SAMD5: variants seen among roughly 807,000 people sequenced by gnomAD.
The protein encoded by SAMD5 is sterile alpha motif domain containing 5, also known as sterile alpha motif domain-containing protein 5.
A neutral mutation model predicts 11.3 loss-of-function variants in SAMD5; 13 were observed. The ratio of observed to expected loss-of-function variants is 1.15; its 90% CI spans 0.75 to 1.83. SAMD5 has a LOEUF of 1.83. Among genes scored for constraint, SAMD5 ranks in the 40% most tolerant of loss-of-function variants. The probability of loss-of-function intolerance (pLI) is 0.00; values close to 1 mark genes in which losing one functional copy is unlikely to be tolerated. For synonymous variants in SAMD5, 129 were observed against 111.3 expected, an observed-to-expected ratio of 1.16 and a Z score of -1.00; for missense variants, 255 against 239.1, an observed-to-expected ratio of 1.07 and a Z score of -0.44.
chr6:147,918,930 C>T, the SAMD5 span, among the ~76,000 whole-genome samples: 1 of 152,202 alleles, frequency 6.6e-6, no homozygotes, highest in Non-Finnish European at 1.5e-5. Context: ...TGGTCTCAAT[C>T]TCCTGACCTC....
At chr6:147,549,790 T>A (rs1278810900) in intron 1 of SAMD5, among the ~76,000 whole-genome samples, 1 of 152,038 alleles carries the variant, frequency 6.6e-6, no homozygotes, top group East Asian at 1.9e-4. Flanking sequence ...CCGGAGCAAA[T>A]TATGTACTTC....
At chr6:147,819,820 G>A in the SAMD5 span, among the ~76,000 whole-genome samples, 2 of 152,214 alleles carry the variant, frequency 1.3e-5, no homozygotes, top group Non-Finnish European at 2.9e-5. Flanking sequence ...GAGTTAAGAA[G>A]AATGTGGGAA....
intron 1 of SAMD5, among the ~76,000 whole-genome samples, chr6:147,678,141 T>G (rs1790891289): frequency 6.6e-6 from 1 of 152,228 alleles, no homozygotes. Context: ...CTTAAACTTC[T>G]GAAAGAAGGC....
chr6:147,726,394 T>A (rs948590001), intron 1 of SAMD5, among the ~76,000 whole-genome samples: 3 of 152,242 alleles, frequency 2.0e-5, no homozygotes, highest in African/African-American at 7.2e-5. Context: ...ATGATAATCC[T>A]GCAAAAAAGC....
chr6:147,951,283 G>A, the SAMD5 span, among the ~76,000 whole-genome samples: 6,380 of 151,480 alleles, frequency 0.042, 164 homozygotes, highest in African/African-American at 0.054. Flanking sequence ...CCGGGTTCAC[G>A]CCATTCTCCT....
chr6:147,777,750 G>A, the SAMD5 span, among the ~76,000 whole-genome samples: 2 of 151,852 alleles, frequency 1.3e-5, no homozygotes, highest in Non-Finnish European at 2.9e-5. Context: ...CCTCATATAC[G>A]TGGAATCATA....
intron 1 of SAMD5, among the ~76,000 whole-genome samples, chr6:147,625,725 C>A (rs991872094): frequency 2.6e-5 from 4 of 152,152 alleles, no homozygotes; most frequent in South Asian, 2.1e-4. Context: ...ACATACACCA[C>A]AAAAGCAAAG....
At chr6:147,741,961 G>A (rs768598891), downstream of SAMD5, 5 of 152,052 alleles carry the variant, frequency 3.3e-5, no homozygotes, top group Non-Finnish European at 7.4e-5. Context: ...TCCCCTCTGC[G>A]TGTTTATATA....
intron 1 of SAMD5, among the ~76,000 whole-genome samples, chr6:147,659,944 C>G (rs2128454297): frequency 6.6e-6 from 1 of 152,162 alleles, no homozygotes; most frequent in Non-Finnish European, 1.5e-5. Context: ...GCCAGGACGT[C>G]CTAATAGGCC....
chr6:147,819,426 C>T, the SAMD5 span, among the ~76,000 whole-genome samples: 1 of 152,138 alleles, frequency 6.6e-6, no homozygotes, highest in African/African-American at 2.4e-5. Flanking sequence ...GCTGCACATA[C>T]ACCCGTGAAC....
chr6:147,745,943 T>C, the SAMD5 span, among the ~76,000 whole-genome samples: 1 of 152,154 alleles, frequency 6.6e-6, no homozygotes, highest in African/African-American at 2.4e-5. Context: ...GGTTTCACTA[T>C]CTTGGCCAGG....
At chr6:147,873,585 T>C in the SAMD5 span, among the ~76,000 whole-genome samples, 1 of 152,088 alleles carries the variant, frequency 6.6e-6, no homozygotes, top group East Asian at 1.9e-4. Flanking sequence ...TAGGAAGGTT[T>C]TCTGTGTATA....
chr6:147,525,896 T>C (rs1788330378), intron 1 of SAMD5, among the ~76,000 whole-genome samples: 1 of 152,100 alleles, frequency 6.6e-6, no homozygotes, highest in Non-Finnish European at 1.5e-5. Flanking sequence ...GCTAGATGGT[T>C]TCATGGTGGT....
At chr6:147,636,935 C>A (rs78245182) in intron 1 of SAMD5, among the ~76,000 whole-genome samples, 3,782 of 151,580 alleles carry the variant, frequency 0.025, 79 homozygotes, top group Non-Finnish European at 0.041. Context: ...TTAAAGACAT[C>A]GTATTGGGTG....
the SAMD5 span, among the ~76,000 whole-genome samples, chr6:147,752,480 G>A: frequency 2.0e-5 from 3 of 152,146 alleles, no homozygotes; most frequent in East Asian, 1.9e-4. Flanking sequence ...TTATTCCATC[G>A]TCATTTGCAG....
In SAMD5 at chr6:147,526,024, A is replaced by C. The variant is rs138334942; in HGVS notation, c.459+16637A>C. 3.1e-3 allele frequency among the ~76,000 whole-genome samples: 465 copies of C among 152,262 alleles called. 2 individuals are homozygous for C. The highest frequency in any genetic ancestry group is 5.4e-3 in the Admixed American group (82 of 15,290). ...ACACCTGGCTGCCTTTTGACACTTC[A>C]TCAGTGTCACCTACAACCACACTCT... On this transcript the variant is annotated intron_variant, in intron 1 of 1. Transcript: ENST00000367474.
chr6:147,919,699 T>C, the SAMD5 span, among the ~76,000 whole-genome samples: 3 of 152,230 alleles, frequency 2.0e-5, no homozygotes, highest in Non-Finnish European at 4.4e-5. Context: ...TTTTTGAACT[T>C]GAGTTTTGTC....
At chr6:147,707,776 G>A (rs919436149) in intron 1 of SAMD5, among the ~76,000 whole-genome samples, 1 of 152,098 alleles carries the variant, frequency 6.6e-6, no homozygotes, top group African/African-American at 2.4e-5. Flanking sequence ...AAAGCATTCA[G>A]TGTGCTTTTG....
chr6:147,797,133 C>T, the SAMD5 span, among the ~76,000 whole-genome samples: 1 of 111,406 alleles, frequency 9.0e-6, no homozygotes, highest in African/African-American at 4.6e-5. Context: ...AGAGGGCATC[C>T]CTGTCTTGTG....
Sources: allele counts gnomAD v4.1 joint callset (sites outside exome capture counted in the v4.1 genomes callset), GRCh38; gene constraint gnomAD v4.1.1; transcripts MANE v1.5; gene names NCBI Gene and HGNC (gene_info 2026-07-23, HGNC 2026-07-21).